Variants in CDH23 observed in about 807,000 individuals in gnomAD.
The protein encoded by CDH23 is cadherin-23.
CDH23 carries 189 observed loss-of-function variants against 317.1 expected under a neutral mutation model. That is an observed-to-expected ratio of 0.60 (90% CI 0.53 to 0.67). The LOEUF is 0.67. CDH23 is among the 30% of genes least tolerant of loss of function. The probability of loss-of-function intolerance (pLI) is 0.00; values close to 1 mark genes in which losing one functional copy is unlikely to be tolerated. For synonymous variants in CDH23, 1,839 were observed against 1,876.8 expected, an observed-to-expected ratio of 0.98 and a Z score of 0.52; for missense variants, 4,401 against 4,592.4, an observed-to-expected ratio of 0.96 and a Z score of 1.20.
At chr10:71,412,712 T>C (rs1848391373) in intron 1 of CDH23, among the ~76,000 whole-genome samples, 2 of 152,230 alleles carry the variant, frequency 1.3e-5, no homozygotes, top group Admixed American at 6.5e-5. Flanking sequence ...CTAATGGGTG[T>C]GAAGTGGTAT....
Position 71,687,681 on chromosome 10 carries a change from C to A in CDH23, c.2021C>A (p.Pro674His). The change falls in exon 19 of 70, where the codon CCC (proline) becomes CAC (histidine). Residue 674 changes from proline to histidine, a missense_variant. Transcript: ENST00000224721. ...GACAACCCTCCCACCTTCAGCAAGC[C>A]CGCCTACTTCGTCTCCGTGGTGGAG... Reference protein sequence around the residue: ...ENDNPPTFSKPAYFVSVVENI... With the variant: ...ENDNPPTFSKHAYFVSVVENI... The A allele has an allele frequency of 6.2e-7, 1 of 1,613,910 alleles. No homozygotes were observed. The highest frequency in any genetic ancestry group is 1.1e-5 in the South Asian group (1 of 91,076).
intron 11 of CDH23, among the ~76,000 whole-genome samples, chr10:71,627,675 C>G (rs946858540): frequency 2.0e-5 from 3 of 152,184 alleles, no homozygotes; most frequent in East Asian, 1.9e-4. Flanking sequence ...TCCCGTCTAA[C>G]AGCTGGAGTT....
chr10:71,658,767 C>G (rs180995073), intron 14 of CDH23, among the ~76,000 whole-genome samples: 4 of 152,286 alleles, frequency 2.6e-5, no homozygotes, highest in Non-Finnish European at 5.9e-5. Flanking sequence ...GATTCAGACC[C>G]CAGACGGTCT....
In CDH23 at chr10:71,510,195, G is replaced by T. The variant is rs759917997; in HGVS notation, c.259G>T (p.Val87Leu). Residue 87 changes from valine (V) to leucine (L), a missense_variant, in exon 4 of 70, where the codon GTG becomes TTG. Physicochemically the swap from Val to Leu is conservative, Grantham distance 32 (BLOSUM62 1). Coordinates refer to ENST00000224721, the MANE Select transcript of CDH23 (RefSeq NM_022124.6). ...TGCAGTGGAGCCTGACACTGGCGTG[G>T]TGTGGCTCCGGCAGCCACTGGACAG... ...FFAVEPDTGV[V>L]WLRQPLDRET... The T allele has an allele frequency of 3.0e-5, 49 of 1,613,784 alleles. No homozygotes were observed. Among genetic ancestry groups the T allele is most frequent in the Non-Finnish European group, 4.0e-5 (47 of 1,179,876 alleles).
At chr10:71,622,890 C>T in intron 11 of CDH23, 5 of 984,830 alleles carry the variant, frequency 5.1e-6, no homozygotes, top group African/African-American at 3.5e-5. Flanking sequence ...ATTCTGGCTG[C>T]TTCTGGGAAT....
intron 12 of CDH23, 181 bp from the exon 13 acceptor site, chr10:71,645,650 G>C (rs745839099): frequency 3.9e-6 from 3 of 777,772 alleles, no homozygotes; most frequent in Non-Finnish European, 4.6e-6. Context: ...GCCTAGACAT[G>C]GGTGGGTCAT....
At chr10:71,414,295 T>A (rs1014577426) in intron 1 of CDH23, among the ~76,000 whole-genome samples, 6 of 152,214 alleles carry the variant, frequency 3.9e-5, no homozygotes, top group Admixed American at 3.9e-4. Flanking sequence ...CTTTTGCCAT[T>A]GTGTATGATA....
intron 14 of CDH23, among the ~76,000 whole-genome samples, chr10:71,667,057 G>A (rs1338072586): frequency 2.0e-5 from 3 of 152,246 alleles, no homozygotes; most frequent in Non-Finnish European, 4.4e-5. Context: ...TTGTGCATGA[G>A]AGCAGAACTC....
At chr10:71,812,969 G>C in intron 68 of CDH23, 79 bp downstream of exon 68, 7 of 1,575,894 alleles carry the variant, frequency 4.4e-6, no homozygotes, top group Non-Finnish European at 6.0e-6. Flanking sequence ...GGGTGGTAGA[G>C]ACCTCCAGGC....
At chr10:71,629,094 G>A (rs1029844144) in intron 11 of CDH23, among the ~76,000 whole-genome samples, 8 of 152,172 alleles carry the variant, frequency 5.3e-5, no homozygotes, top group African/African-American at 7.2e-5. Context: ...AGTGGGAGGC[G>A]GGATTGGCTT....
intron 7 of CDH23, among the ~76,000 whole-genome samples, chr10:71,567,868 C>CA (rs1234747237): frequency 6.6e-6 from 1 of 152,164 alleles, no homozygotes; most frequent in African/African-American, 2.4e-5. Context: ...ACGCCAAGAG[C>CA]AAAAAAACAT....
chr10:71,625,746 C>T (rs1395189603), intron 11 of CDH23, among the ~76,000 whole-genome samples: 2 of 152,220 alleles, frequency 1.3e-5, no homozygotes, highest in Non-Finnish European at 2.9e-5. Flanking sequence ...CGGGCCTCTT[C>T]GGCTTCCTTT....
chr10:71,691,316 TC>T (rs1865175747), intron 20 of CDH23, among the ~76,000 whole-genome samples: 1 of 152,240 alleles, frequency 6.6e-6, no homozygotes, highest in African/African-American at 2.4e-5. Flanking sequence ...ATTCATATGT[TC>T]ATTTATTCAT....
intron 60 of CDH23, 64 bp downstream of exon 60, chr10:71,808,071 A>G (rs1362044609): frequency 1.3e-6 from 2 of 1,542,300 alleles, no homozygotes; most frequent in Non-Finnish European, 1.8e-6. Context: ...ATGGACTGTC[A>G]TCTGGGGGGA....
intron 3 of CDH23, among the ~76,000 whole-genome samples, chr10:71,486,304 G>T (rs1460645613): frequency 6.6e-6 from 1 of 152,274 alleles, no homozygotes. Flanking sequence ...TAGGCACTCT[G>T]GGATTACAGA....
chr10:71,800,943 C>CTT, intron 53 of CDH23, among the ~76,000 whole-genome samples, 188 bp downstream of exon 53: 1 of 152,278 alleles, frequency 6.6e-6, no homozygotes, highest in East Asian at 1.9e-4. Context: ...CTTAGGAAGA[C>CTT]AGGGACCCTC....
chr10:71,524,991 T>C (rs920870694), intron 6 of CDH23, among the ~76,000 whole-genome samples: 2 of 152,236 alleles, frequency 1.3e-5, no homozygotes, highest in African/African-American at 4.8e-5. Flanking sequence ...CACTGCAACC[T>C]CTGCCTCTTG....
chr10:71,605,415 A>G (rs1156966949), intron 9 of CDH23, among the ~76,000 whole-genome samples: 2 of 152,222 alleles, frequency 1.3e-5, no homozygotes, highest in East Asian at 3.8e-4. Context: ...AAGTGCTACC[A>G]GCATCTAGTG....
At chr10:71,556,242 A>G (rs905508595) in intron 6 of CDH23, among the ~76,000 whole-genome samples, 3 of 152,104 alleles carry the variant, frequency 2.0e-5, no homozygotes, top group African/African-American at 7.2e-5. Context: ...TTGGGGGGAA[A>G]TGAGATGCTG....
Sources: gnomAD v4.1 joint callset for allele counts (sites outside exome capture counted in the v4.1 genomes callset) on GRCh38, gnomAD v4.1.1 for gene constraint, MANE v1.5 for transcripts, NCBI Gene and HGNC (gene_info 2026-07-23, HGNC 2026-07-21) for gene names.